Variants in FAM120C observed in about 807,000 individuals in gnomAD.
FAM120C encodes the protein constitutive coactivator of PPAR-gamma-like protein 2.
A neutral mutation model predicts 71.2 loss-of-function variants in FAM120C; 14 were observed. The ratio of observed to expected loss-of-function variants is 0.20; its 90% CI spans 0.13 to 0.31. The LOEUF (loss-of-function observed/expected upper bound fraction) is 0.31. Ranked by LOEUF, FAM120C falls within the 10% of genes least tolerant of loss-of-function variation. The pLI is 1.00. For synonymous variants in FAM120C, 354 were observed against 353.2 expected, an observed-to-expected ratio of 1.00 and a Z score of -0.03; for missense variants, 500 against 879.0, an observed-to-expected ratio of 0.57 and a Z score of 5.45.
intron 2 of FAM120C, 54 bp from the exon 3 acceptor site, chrX:54,157,825 C>T: frequency 1.1e-6 from 1 of 892,362 alleles, no homozygotes; most frequent in Non-Finnish European, 1.6e-6. Context: ...TTAGAACCTC[C>T]AGGCCATGAA....
intron 4 of FAM120C, among the ~76,000 whole-genome samples, chrX:54,146,987 G>C (rs782785528): frequency 8.9e-6 from 1 of 112,056 alleles, no homozygotes; most frequent in East Asian, 2.8e-4. Context: ...TGGATGATTT[G>C]TTCTAAAATG....
intron 9 of FAM120C, among the ~76,000 whole-genome samples, chrX:54,125,007 C>CA (rs782249504): frequency 1.8e-3 from 204 of 111,104 alleles, no homozygotes; most frequent in African/African-American, 6.2e-3. Flanking sequence ...CAAAAAACAA[C>CA]AAAAAAACTA....
chrX:54,180,122 A>C (rs1557137170), intron 1 of FAM120C, among the ~76,000 whole-genome samples: 1 of 112,166 alleles, frequency 8.9e-6, no homozygotes, highest in African/African-American at 3.2e-5. Flanking sequence ...CTGCTTCTCT[A>C]AAGATTTTGA....
At chrX:54,182,395 G>A in intron 1 of FAM120C, 105 bp downstream of exon 1, 1 of 964,848 alleles carries the variant, frequency 1.0e-6, no homozygotes, top group Non-Finnish European at 1.4e-6. Flanking sequence ...TAGGTGGGTG[G>A]GTAGATGGGA....
chrX:54,068,857 G>A lies in FAM120C; in HGVS notation c.*4176C>T, dbSNP rs1273126964. On this transcript the variant is annotated 3_prime_UTR_variant, in exon 16 of 16. Coordinates refer to ENST00000375180, the MANE Select transcript of FAM120C (RefSeq NM_017848.6). ...AATAGAATAGAATAGAAGGTAGGAGGGGAAGTGCTTTCTGGGAAGCAATTA... is the reference window on the plus strand; with the variant it reads ...AATAGAATAGAATAGAAGGTAGGAGAGGAAGTGCTTTCTGGGAAGCAATTA... 9.4e-6 allele frequency: 1 copy of A among 106,442 alleles called. No individual in the cohort carries two copies. The highest frequency in any genetic ancestry group is 3.7e-5 in the African/African-American group (1 of 27,075). The allele number at this position is 106,442 out of a possible 1,213,427, so 8.8% of individuals were successfully genotyped here.
intron 1 of FAM120C, among the ~76,000 whole-genome samples, chrX:54,165,714 T>C (rs1557135065): frequency 1.8e-5 from 2 of 110,115 alleles, no homozygotes; most frequent in African/African-American, 6.6e-5. Flanking sequence ...GAGGTAGCGG[T>C]TGTAGTGAGC....
intron 9 of FAM120C, 119 bp from the exon 10 acceptor site, chrX:54,116,913 AT>A: frequency 1.1e-6 from 1 of 871,984 alleles, no homozygotes; most frequent in Non-Finnish European, 1.6e-6. Flanking sequence ...TGTCACAATA[AT>A]TTTTATTTTT....
chrX:54,134,942 G>C lies in FAM120C; in HGVS notation c.1505C>G (p.Ser502Cys). Reference protein sequence around the residue: ...FANWAVSYDSSASQFPNYLPS... With the variant: ...FANWAVSYDSCASQFPNYLPS... ...CAGGTAATTGGGAAACTGGGATGCA[G>C]AAGAGTCATAGGAGACAGCCCAATT... is the stretch of plus-strand genomic sequence containing the variant. The change falls in exon 7 of 16, where the codon TCT (serine) becomes TGT (cysteine). Residue 502 changes from serine (S) to cysteine (C), a missense_variant. Physicochemically the swap from Ser to Cys is moderately radical, Grantham distance 112. Coordinates refer to ENST00000375180, the MANE Select transcript of FAM120C (RefSeq NM_017848.6). 1 of 1,211,650 alleles carries C rather than the reference G, an allele frequency of 8.3e-7. No individual in the cohort carries two copies. Among genetic ancestry groups the C allele is most frequent in the Non-Finnish European group, 1.1e-6 (1 of 895,521 alleles).
Position 54,081,470 on chromosome X carries a change from TAGAA to T in FAM120C, c.2840-14_2840-11del. Reference sequence around the variant, plus strand: ...GGGATTGGATGGAGACCTGGCAAGATAGAAAGAATGGTGGTAATGGGCCAGGTGT... The same window carrying T: ...GGGATTGGATGGAGACCTGGCAAGATAGAATGGTGGTAATGGGCCAGGTGT... On this transcript the variant is annotated splice_polypyrimidine_tract_variant and intron_variant, in intron 13 of 15. Transcript: ENST00000375180. The T allele has an allele frequency of 1.7e-6, 2 of 1,202,008 alleles. No individual in the cohort carries two copies. The highest frequency in any genetic ancestry group is 2.2e-6 in the Non-Finnish European group (2 of 890,759).
intron 9 of FAM120C, among the ~76,000 whole-genome samples, chrX:54,122,967 T>C (rs1360045291): frequency 5.9e-5 from 1 of 17,040 alleles, no homozygotes; most frequent in Non-Finnish European, 8.8e-5. Flanking sequence ...TTATTTCTCC[T>C]TCACTTATGA....
intron 10 of FAM120C, among the ~76,000 whole-genome samples, chrX:54,105,000 TC>T (rs1267816741): frequency 9.0e-6 from 1 of 111,082 alleles, no homozygotes; most frequent in Non-Finnish European, 1.9e-5. Flanking sequence ...CTGGTACCAT[TC>T]CTTCTGAAAC....
At chrX:54,134,181 G>T in intron 7 of FAM120C, 135 bp from the exon 8 acceptor site, 1 of 590,374 alleles carries the variant, frequency 1.7e-6, no homozygotes, top group Non-Finnish European at 2.6e-6. Flanking sequence ...GCACTGGACT[G>T]GTACCTTTCC....
rs2146659489 is a variant in FAM120C, at chrX:54,182,879, G to GGCGGCA, written c.314_319dup (p.Leu105_Pro106dup). ...CCCGGGCAGCTGAGGGGGCGGCGGCGGCGGCAGCGGAGGGTGCAGCCCGGG... is the reference window on the plus strand; with the variant it reads ...CCCGGGCAGCTGAGGGGGCGGCGGCGGCGGCAGCGGCAGCGGAGGGTGCAGCCCGGG... On this transcript the variant is annotated inframe_insertion, in exon 1 of 16. Coordinates refer to ENST00000375180, the MANE Select transcript of FAM120C (RefSeq NM_017848.6). 4 of 1,136,588 alleles carry GGCGGCA rather than the reference G, an allele frequency of 3.5e-6. No homozygotes were observed. Among genetic ancestry groups the GGCGGCA allele is most frequent in the Non-Finnish European group, 4.6e-6 (4 of 861,414 alleles). The allele number at this position is 1,136,588 out of a possible 1,213,427, so 93.7% of individuals were successfully genotyped here.
At chrX:54,073,434 T>C in intron 15 of FAM120C, 147 bp from the exon 16 acceptor site, 1 of 127,610 alleles carries the variant, frequency 7.8e-6, no homozygotes. Flanking sequence ...TAGTACAATC[T>C]TTTTTTTTTT....
At chrX:54,124,821 T>C (rs782620214) in intron 9 of FAM120C, among the ~76,000 whole-genome samples, 1 of 112,527 alleles carries the variant, frequency 8.9e-6, no homozygotes, top group African/African-American at 3.2e-5. Context: ...ATTTGCCATA[T>C]GTATATCTTC....
rs782818295 is a variant in FAM120C at position 54,137,892 on chromosome X, T to C, written c.1159-1302A>G. 9.0e-5 allele frequency among the ~76,000 whole-genome samples: 10 copies of C among 111,715 alleles called. No individual in the cohort carries two copies. In the East Asian group the frequency reaches 2.5e-3, roughly 28 times the overall value. ...TTTGGAAAACAATTTGGCAGTTTCT[T>C]ATAAAATTAAATTACACTTACCATA... On this transcript the variant is annotated intron_variant, in intron 4 of 15. Coordinates refer to ENST00000375180, the MANE Select transcript of FAM120C (RefSeq NM_017848.6).
intron 10 of FAM120C, among the ~76,000 whole-genome samples, chrX:54,094,248 C>A (rs1018709294): frequency 3.0e-4 from 33 of 108,789 alleles, no homozygotes; most frequent in Non-Finnish European, 5.9e-4. Flanking sequence ...TAGGTGCCTG[C>A]CACCACGCCT....
intron 1 of FAM120C, among the ~76,000 whole-genome samples, chrX:54,162,129 T>C (rs1000013251): frequency 1.8e-5 from 2 of 112,485 alleles, no homozygotes; most frequent in Admixed American, 9.4e-5. Flanking sequence ...AAAAGTCTCA[T>C]GATTCCAGGT....
At chrX:54,159,704 T>C (rs1209396714) in intron 1 of FAM120C, 88 bp from the exon 2 acceptor site, 2 of 973,194 alleles carry the variant, frequency 2.1e-6, no homozygotes, top group Non-Finnish European at 2.8e-6. Context: ...AATTTTATAG[T>C]TTGGTGAAAT....
Sources: allele counts gnomAD v4.1 joint callset (sites outside exome capture counted in the v4.1 genomes callset), GRCh38; gene constraint gnomAD v4.1.1; transcripts MANE v1.5; gene names NCBI Gene and HGNC (gene_info 2026-07-23, HGNC 2026-07-21).